Variants in LYST observed in about 807,000 individuals in gnomAD.
LYST encodes the protein lysosomal trafficking regulator.
In LYST, 192 loss-of-function variants were observed where a neutral mutation model predicts 413.6. The ratio of observed to expected loss-of-function variants is 0.46; its 90% CI spans 0.41 to 0.52. The LOEUF is 0.52. LYST is among the 20% of genes least tolerant of loss of function. LYST has a pLI of 0.00. For synonymous variants in LYST, 1,525 were observed against 1,567.3 expected (o/e 0.97, Z 0.64); for missense variants, 3,815 against 4,499.9 (o/e 0.85, Z 4.35).
intron 48 of LYST, among the ~76,000 whole-genome samples, chr1:235,682,719 A>G (rs1171218872): frequency 6.6e-6 from 1 of 152,210 alleles, no homozygotes. Flanking sequence ...GCTTAGAACA[A>G]TGCCTAATAC....
Position 235,757,305 on chromosome 1 carries a change from T to C in LYST, c.7035A>G (p.Pro2345=), listed in dbSNP as rs201566191. ...CTTTAATAACACCTTGTTGTATAGC[T>C]GGTGATGGGTGGTTAACGAGGACCA... is the stretch of plus-strand genomic sequence containing the variant. ...TLLVLVNHPS[P]AIQQGVIKLL... Residue 2345 remains proline, a synonymous_variant, in exon 24 of 53, where the codon CCA becomes CCG. Transcript: ENST00000389793. 55 of 1,613,540 alleles carry C rather than the reference T, an allele frequency of 3.4e-5. No individual in the cohort carries two copies. Among genetic ancestry groups the C allele is most frequent in the Non-Finnish European group, 4.2e-5 (50 of 1,179,640 alleles).
At chr1:235,832,794 C>T (rs922980052) in intron 2 of LYST, among the ~76,000 whole-genome samples, 3 of 151,960 alleles carry the variant, frequency 2.0e-5, no homozygotes, top group East Asian at 1.9e-4. Flanking sequence ...TAGAAATTGC[C>T]GTTATTTCAT....
At chr1:235,722,857 A>T (rs1213654348) in intron 39 of LYST, among the ~76,000 whole-genome samples, 3 of 152,236 alleles carry the variant, frequency 2.0e-5, no homozygotes, top group Non-Finnish European at 2.9e-5. Flanking sequence ...GAGGTCAAAA[A>T]TAATCATCAT....
At chr1:235,695,826 G>A (rs1039827628) in intron 46 of LYST, among the ~76,000 whole-genome samples, 2 of 151,674 alleles carry the variant, frequency 1.3e-5, no homozygotes, top group African/African-American at 2.4e-5. Flanking sequence ...TAGTAGAGAC[G>A]GGGTTTCACC....
rs1395369517 is a variant in LYST at position 235,805,963 on chromosome 1, C to G, written c.3173G>C (p.Ser1058Thr). 2 of 1,613,782 alleles carry G rather than the reference C, an allele frequency of 1.2e-6. No homozygotes were observed. Among genetic ancestry groups the G allele is most frequent in the South Asian group, 2.2e-5 (2 of 91,078 alleles). ...IPSELGSLKK[S>T]ADSLGKLELQ... ...CTCTAATTTACCTAAACTGTCAGCA[C>G]TCTTTTTTAGACTACCTAGTTCTGA... is the stretch of plus-strand genomic sequence containing the variant. Residue 1058 changes from serine to threonine, a missense_variant, in exon 6 of 53, where the codon AGT (serine) becomes ACT (threonine). Coordinates refer to ENST00000389793, the MANE Select transcript of LYST (RefSeq NM_000081.4).
In LYST at chr1:235,881,103, C is replaced by G. The variant is rs757091601; in HGVS notation, n.454+2084G>C. Among the ~76,000 whole-genome samples the G allele has an allele frequency of 3.3e-4, 51 of 152,274 alleles. 1 individual carries two copies. The highest frequency in any genetic ancestry group is 6.3e-4 in the Non-Finnish European group (43 of 68,012). On this transcript the variant is annotated intron_variant and non_coding_transcript_variant, in intron 1 of 11. Transcript: ENST00000465349. ...CAGGGCAGGGCTGGAACTGGGGTTC[C>G]TAACTCCAAATTTCTAAGCAGGTCA... is the stretch of plus-strand genomic sequence containing the variant.
At chr1:235,704,126 T>C (rs1661768881) in intron 44 of LYST, among the ~76,000 whole-genome samples, 1 of 152,244 alleles carries the variant, frequency 6.6e-6, no homozygotes, top group South Asian at 2.1e-4. Flanking sequence ...ATGGTGTATA[T>C]ATACCACATT....
At chr1:235,840,742 A>G (rs1470885514) in intron 1 of LYST, among the ~76,000 whole-genome samples, 2 of 152,242 alleles carry the variant, frequency 1.3e-5, no homozygotes, top group East Asian at 3.8e-4. Flanking sequence ...GACACATTTT[A>G]TGGAGAAAAC....
intron 45 of LYST, among the ~76,000 whole-genome samples, chr1:235,697,704 T>C (rs1661217841): frequency 6.6e-6 from 1 of 152,216 alleles, no homozygotes; most frequent in African/African-American, 2.4e-5. Flanking sequence ...TATGAGCTCC[T>C]TGAAGAGAGG....
intron 38 of LYST, 126 bp from the exon 39 acceptor site, chr1:235,724,306 T>C (rs1172978551): frequency 2.6e-6 from 2 of 770,000 alleles, no homozygotes; most frequent in East Asian, 5.4e-5. Context: ...CAGATAAGAT[T>C]ACCTGAAAAC....
intron 43 of LYST, among the ~76,000 whole-genome samples, chr1:235,709,886 A>G (rs906638178): frequency 1.4e-5 from 2 of 141,034 alleles, no homozygotes; most frequent in African/African-American, 6.5e-5. Context: ...GCATTCCTGT[A>G]GATAGCAAAA....
At chr1:235,793,481 G>A (rs1671231807) in intron 11 of LYST, 22 bp downstream of exon 11, 1 of 1,112,760 alleles carries the variant, frequency 9.0e-7, no homozygotes, top group Non-Finnish European at 1.3e-6. Context: ...AGTGAAAAAT[G>A]TAAAAATTAT....
intron 48 of LYST, among the ~76,000 whole-genome samples, chr1:235,678,314 G>A (rs1659546090): frequency 6.6e-6 from 1 of 152,084 alleles, no homozygotes; most frequent in Non-Finnish European, 1.5e-5. Flanking sequence ...TTTTCCTAGT[G>A]GGTTTGTGAA....
chr1:235,842,381 G>T (rs773275914), intron 1 of LYST, among the ~76,000 whole-genome samples: 24 of 152,162 alleles, frequency 1.6e-4, no homozygotes, highest in Non-Finnish European at 2.8e-4. Flanking sequence ...AACATCCACA[G>T]TGTGGCCCTG....
chr1:235,737,918 T>TGA, intron 31 of LYST: 66 of 1,164,670 alleles, frequency 5.7e-5, no homozygotes, highest in South Asian at 5.0e-4. Flanking sequence ...TGCCGACGAG[T>TGA]CTGGATCTCA....
intron 1 of LYST, among the ~76,000 whole-genome samples, chr1:235,836,554 C>T (rs1391595774): frequency 1.3e-5 from 2 of 152,042 alleles, no homozygotes; most frequent in Non-Finnish European, 2.9e-5. Flanking sequence ...TAAATGTATG[C>T]TGGATGTACG....
chr1:235,756,418 A>C (rs1172259640), intron 24 of LYST, among the ~76,000 whole-genome samples: 1 of 151,948 alleles, frequency 6.6e-6, no homozygotes, highest in African/African-American at 2.4e-5. Flanking sequence ...TAAGTATGAG[A>C]CTCTCCCTTC....
chr1:235,670,096 C>A (rs558576917), intron 50 of LYST, among the ~76,000 whole-genome samples: 1 of 152,238 alleles, frequency 6.6e-6, no homozygotes, highest in Non-Finnish European at 1.5e-5. Flanking sequence ...ATTAGCAAAC[C>A]TCTATATGCC....
intron 1 of LYST, among the ~76,000 whole-genome samples, chr1:235,843,165 T>C (rs1042633853): frequency 6.6e-6 from 1 of 150,746 alleles, no homozygotes; most frequent in African/African-American, 2.5e-5. Context: ...AAATATCAAA[T>C]AGCCAGTGGC....
Sources: gnomAD v4.1 joint callset for allele counts (sites outside exome capture counted in the v4.1 genomes callset) on GRCh38, gnomAD v4.1.1 for gene constraint, MANE v1.5 for transcripts, NCBI Gene and HGNC (gene_info 2026-07-23, HGNC 2026-07-21) for gene names.